Variants in PARM1 observed in about 807,000 individuals in gnomAD.
PARM1 encodes WSC4, cell wall integrity and stress response component 4 homolog.
A neutral mutation model predicts 24.6 loss-of-function variants in PARM1; 14 were observed. That is an observed-to-expected ratio of 0.57 (90% confidence interval 0.38 to 0.89). The LOEUF (loss-of-function observed/expected upper bound fraction) is 0.89. Ranked by LOEUF, PARM1 falls within the 40% of genes least tolerant of loss-of-function variation. The pLI is 0.00. For synonymous variants in PARM1, 179 were observed against 156.6 expected (o/e 1.14, Z -1.07); for missense variants, 362 against 380.4 (o/e 0.95, Z 0.40).
chr4:74,980,871 A>G (rs1202808528), intron 1 of PARM1, among the ~76,000 whole-genome samples: 3 of 152,236 alleles, frequency 2.0e-5, no homozygotes, highest in African/African-American at 4.8e-5. Context: ...GCAATGGGGG[A>G]AAAGATTCCC....
At chr4:75,010,535 TA>T (rs199516148) in intron 1 of PARM1, among the ~76,000 whole-genome samples, 28 of 152,096 alleles carry the variant, frequency 1.8e-4, no homozygotes, top group African/African-American at 6.5e-4. Flanking sequence ...AATAAAAAAT[TA>T]AAAAAAATTT....
chr4:75,015,147 T>C (rs1722957833), intron 2 of PARM1, among the ~76,000 whole-genome samples: 2 of 152,202 alleles, frequency 1.3e-5, no homozygotes, highest in African/African-American at 2.4e-5. Flanking sequence ...GACCACAAAA[T>C]CTAAGCTTAG....
intron 1 of PARM1, among the ~76,000 whole-genome samples, chr4:74,947,448 AC>A (rs984124492): frequency 6.6e-6 from 1 of 152,246 alleles, no homozygotes; most frequent in Non-Finnish European, 1.5e-5. Context: ...GCAGCCAATC[AC>A]AATTATGAAC....
At chr4:75,013,775 C>G (rs144815425) in intron 2 of PARM1, among the ~76,000 whole-genome samples, 1 of 152,184 alleles carries the variant, frequency 6.6e-6, no homozygotes, top group Non-Finnish European at 1.5e-5. Flanking sequence ...ATAAATTTTA[C>G]AAGATGTCAC....
chr4:74,984,587 G>A (rs761059548), intron 1 of PARM1, among the ~76,000 whole-genome samples: 21 of 152,154 alleles, frequency 1.4e-4, no homozygotes, highest in Non-Finnish European at 2.6e-4. Context: ...TATCATTTTC[G>A]AACGTTATTT....
intron 2 of PARM1, among the ~76,000 whole-genome samples, chr4:75,030,465 C>G (rs918715279): frequency 6.6e-6 from 1 of 152,084 alleles, no homozygotes; most frequent in East Asian, 1.9e-4. Context: ...TTATTCTGGT[C>G]CTGGGCCATT....
chr4:74,966,319 G>C (rs1721900978), intron 1 of PARM1, among the ~76,000 whole-genome samples: 1 of 152,152 alleles, frequency 6.6e-6, no homozygotes, highest in Admixed American at 6.5e-5. Context: ...AGAGGGGAGA[G>C]CGATCAGGCT....
rs975761491 is a variant in PARM1 at position 75,034,257 on chromosome 4, C to T, written c.848+296C>T. ...GCCTAGGCTCCCTGCCCCAAATGTA[C>T]CTCATTACCCTGGGAAAGCCACATG... On this transcript the variant is annotated intron_variant, in intron 3 of 3. Transcript: ENST00000307428. Among the ~76,000 whole-genome samples the T allele has an allele frequency of 6.6e-5, 10 of 152,078 alleles. No individual in the cohort carries two copies. In the East Asian group the frequency reaches 1.7e-3, roughly 26 times the overall value.
At chr4:74,939,317 A>C (rs181075356) in intron 1 of PARM1, among the ~76,000 whole-genome samples, 26 of 152,338 alleles carry the variant, frequency 1.7e-4, no homozygotes, top group Admixed American at 1.7e-3. Flanking sequence ...TAGGATTTAG[A>C]GGCAGCATTC....
At chr4:74,959,770 T>C (rs950238748) in intron 1 of PARM1, among the ~76,000 whole-genome samples, 8 of 152,206 alleles carry the variant, frequency 5.3e-5, no homozygotes, top group African/African-American at 1.9e-4. Context: ...AAAACATAAA[T>C]TCAGATTTTT....
chr4:74,941,819 A>G (rs1308316609), intron 1 of PARM1, among the ~76,000 whole-genome samples: 1 of 152,214 alleles, frequency 6.6e-6, no homozygotes, highest in Non-Finnish European at 1.5e-5. Context: ...GGGGTTGCTT[A>G]CTTCCAGGCA....
chr4:75,026,045 G>A (rs1723177043), intron 2 of PARM1, among the ~76,000 whole-genome samples: 1 of 152,178 alleles, frequency 6.6e-6, no homozygotes, highest in African/African-American at 2.4e-5. Context: ...GAGGAGTAAT[G>A]GGGAAAAGGA....
chr4:74,994,978 A>G (rs1212771517), intron 1 of PARM1, among the ~76,000 whole-genome samples: 1 of 152,180 alleles, frequency 6.6e-6, no homozygotes, highest in African/African-American at 2.4e-5. Context: ...CAAACAATCC[A>G]AAACAGCTCT....
At chr4:74,954,856 C>T (rs915003826) in intron 1 of PARM1, among the ~76,000 whole-genome samples, 4 of 152,152 alleles carry the variant, frequency 2.6e-5, no homozygotes, top group Non-Finnish European at 5.9e-5. Flanking sequence ...ACTTCAGCAA[C>T]ACTTGATTTT....
intron 3 of PARM1, among the ~76,000 whole-genome samples, chr4:75,036,689 T>C (rs1723379258): frequency 6.6e-6 from 1 of 152,110 alleles, no homozygotes; most frequent in Admixed American, 6.6e-5. Flanking sequence ...GCCATTACAA[T>C]TTGCTCTGAT....
At chr4:74,957,852 G>T (rs913108255) in intron 1 of PARM1, among the ~76,000 whole-genome samples, 3 of 152,248 alleles carry the variant, frequency 2.0e-5, no homozygotes, top group African/African-American at 7.2e-5. Context: ...CTAGACAACA[G>T]CCAAGCTGCA....
chr4:74,998,164 T>C (rs1377726229), intron 1 of PARM1, among the ~76,000 whole-genome samples: 3 of 152,120 alleles, frequency 2.0e-5, no homozygotes, highest in Non-Finnish European at 4.4e-5. Context: ...TTAGCAGAGG[T>C]GGCCATGCTG....
At chr4:74,989,786 A>C (rs1490277337) in intron 1 of PARM1, among the ~76,000 whole-genome samples, 6 of 152,136 alleles carry the variant, frequency 3.9e-5, no homozygotes, top group Non-Finnish European at 5.9e-5. Flanking sequence ...TCATCTCGTG[A>C]GCACACAAAA....
At chr4:74,941,649 A>G (rs1315029135) in intron 1 of PARM1, among the ~76,000 whole-genome samples, 1 of 152,198 alleles carries the variant, frequency 6.6e-6, no homozygotes, top group Non-Finnish European at 1.5e-5. Flanking sequence ...GGAAAGTTAC[A>G]AAGTGAGCCT....
Sources: allele counts gnomAD v4.1 joint callset (sites outside exome capture counted in the v4.1 genomes callset), GRCh38; gene constraint gnomAD v4.1.1; transcripts MANE v1.5; gene names NCBI Gene and HGNC (gene_info 2026-07-23, HGNC 2026-07-21).